The following FGF14 variants were observed in gnomAD, a reference collection of about 807,000 sequenced individuals.
FGF14 encodes the protein fibroblast growth factor 14, also known as fibroblast growth factor homologous factor 4.
In FGF14, 5 loss-of-function variants were observed where a neutral mutation model predicts 25.5. The observed-to-expected ratio is 0.20, with a 90% CI of 0.10 to 0.41. The LOEUF (loss-of-function observed/expected upper bound fraction) is 0.41. Ranked by LOEUF, FGF14 falls within the 10% of genes least tolerant of loss-of-function variation. The pLI, the probability that FGF14 is intolerant of heterozygous loss-of-function variation, is 1.00. For missense variants in FGF14, 222 were observed against 320.1 expected (o/e 0.69, Z 2.34); for synonymous variants, 138 against 118.3 (o/e 1.17, Z -1.08).
At chr13:102,375,359 G>A (rs781036014) in intron 1 of FGF14, among the ~76,000 whole-genome samples, 2 of 152,060 alleles carry the variant, frequency 1.3e-5, no homozygotes, top group Non-Finnish European at 2.9e-5. Context: ...AAGACACAGC[G>A]GTGATCAAAT....
At chr13:101,893,607 TTAAG>T (rs1478518391) in intron 1 of FGF14, among the ~76,000 whole-genome samples, 2 of 152,084 alleles carry the variant, frequency 1.3e-5, no homozygotes, top group African/African-American at 4.8e-5. Context: ...GAGGTGACTA[TTAAG>T]TAATTATCAG....
chr13:101,855,363 T>C (rs917697339), intron 3 of FGF14, among the ~76,000 whole-genome samples: 1 of 152,032 alleles, frequency 6.6e-6, no homozygotes, highest in Non-Finnish European at 1.5e-5. Context: ...TACCAAATGC[T>C]TCTAGGTAAA....
At chr13:102,115,930 G>A (rs2045448896) in intron 1 of FGF14, among the ~76,000 whole-genome samples, 2 of 152,084 alleles carry the variant, frequency 1.3e-5, no homozygotes, top group Admixed American at 1.3e-4. Context: ...GACCAACATG[G>A]AGAAACCCCA....
At chr13:101,882,912 G>A (rs2045789436) in intron 1 of FGF14, among the ~76,000 whole-genome samples, 3 of 152,000 alleles carry the variant, frequency 2.0e-5, no homozygotes, top group Admixed American at 2.0e-4. Context: ...CTTCTGGGAG[G>A]AGATGGGAGT....
intron 1 of FGF14, among the ~76,000 whole-genome samples, chr13:102,358,260 T>C (rs2057471319): frequency 1.3e-5 from 2 of 152,220 alleles, no homozygotes; most frequent in African/African-American, 2.4e-5. Context: ...ATTAATTATA[T>C]GAAACAAGTA....
In FGF14 at chr13:102,162,625, AAC is replaced by A. The variant is rs372559473; in HGVS notation, c.208+238844_208+238845del. ...GCAGACGTCCTGATCTTAAAAATAT[AAC>A]ACAGTTTATGGAATGCTTCAATGTA... On this transcript the variant is annotated intron_variant, in intron 1 of 4. Transcript: ENST00000376131. 3.0e-4 allele frequency among the ~76,000 whole-genome samples: 45 copies of A among 152,336 alleles called. No homozygotes were observed. The East Asian group carries it at 7.7e-3, about 26-fold the overall frequency.
At chr13:101,926,511 C>G (rs1457540810) in intron 1 of FGF14, among the ~76,000 whole-genome samples, 1 of 152,204 alleles carries the variant, frequency 6.6e-6, no homozygotes, top group Non-Finnish European at 1.5e-5. Flanking sequence ...AAAAAACGTA[C>G]AGCAATTCTC....
At chr13:102,132,038 T>G (rs2046220494) in intron 1 of FGF14, among the ~76,000 whole-genome samples, 1 of 152,180 alleles carries the variant, frequency 6.6e-6, no homozygotes, top group South Asian at 2.1e-4. Context: ...GTTTTGGTTT[T>G]TTTTGCCTTA....
chr13:102,072,396 G>T (rs549103050), intron 1 of FGF14, among the ~76,000 whole-genome samples: 4 of 151,976 alleles, frequency 2.6e-5, no homozygotes, highest in African/African-American at 4.8e-5. Flanking sequence ...AGGATGGAGG[G>T]CAAAGTATCA....
chr13:101,749,047 T>A (rs2037088678), intron 3 of FGF14, among the ~76,000 whole-genome samples: 1 of 152,120 alleles, frequency 6.6e-6, no homozygotes, highest in African/African-American at 2.4e-5. Flanking sequence ...CTAAGTCAAA[T>A]ATGTCAGTCA....
intron 3 of FGF14, among the ~76,000 whole-genome samples, chr13:101,814,990 CT>C (rs35517721): frequency 0.3 from 45,624 of 152,078 alleles, 7,423 homozygotes; most frequent in South Asian, 0.44. Context: ...ATTAGTACCC[CT>C]GATGGTCATT....
At chr13:102,113,009 C>G (rs1049605593) in intron 1 of FGF14, among the ~76,000 whole-genome samples, 3 of 152,180 alleles carry the variant, frequency 2.0e-5, no homozygotes, top group Admixed American at 6.5e-5. Context: ...TAGCTATACA[C>G]TTTACTGACA....
chr13:101,968,632 C>CA (rs2037378808), intron 1 of FGF14, among the ~76,000 whole-genome samples: 1 of 137,976 alleles, frequency 7.2e-6, no homozygotes, highest in African/African-American at 2.7e-5. Context: ...GAGATCGTGC[C>CA]ACTGCAATCC....
At chr13:101,777,774 C>T (rs1407374410) in intron 3 of FGF14, among the ~76,000 whole-genome samples, 1 of 152,072 alleles carries the variant, frequency 6.6e-6, no homozygotes, top group Non-Finnish European at 1.5e-5. Flanking sequence ...CCAGCCTGAC[C>T]AACATGGTGA....
intron 1 of FGF14, among the ~76,000 whole-genome samples, chr13:102,150,440 G>A (rs151188638): frequency 1.3e-5 from 2 of 152,174 alleles, no homozygotes; most frequent in Non-Finnish European, 2.9e-5. Context: ...TCTAAGGCAT[G>A]GCCACTTTTG....
chr13:102,190,060 C>T (rs2049061859), intron 1 of FGF14, among the ~76,000 whole-genome samples: 1 of 152,154 alleles, frequency 6.6e-6, no homozygotes, highest in South Asian at 2.1e-4. Flanking sequence ...CAAAACATAT[C>T]ACATGTTATG....
At chr13:102,135,350 A>C (rs2046368822) in intron 1 of FGF14, among the ~76,000 whole-genome samples, 1 of 152,206 alleles carries the variant, frequency 6.6e-6, no homozygotes, top group South Asian at 2.1e-4. Flanking sequence ...TCTGGTATCA[A>C]GTCAATTACG....
chr13:102,247,392 A>G lies in FGF14; in HGVS notation c.208+154079T>C, dbSNP rs1199613269. Among the ~76,000 whole-genome samples the G allele has an allele frequency of 2.6e-5, 4 of 152,066 alleles. No homozygotes were observed. In the East Asian group the frequency reaches 5.8e-4, roughly 22 times the overall value. On this transcript the variant is annotated intron_variant, in intron 1 of 4. Coordinates refer to the FGF14 transcript ENST00000376131. The stretch of plus-strand genomic sequence containing the variant: ...ACTTAAAGAAATTTACAAGAAAAAA[A>G]AATCAAACAACCCCATTAAAAACAA...
intron 1 of FGF14, among the ~76,000 whole-genome samples, chr13:101,942,057 A>AC (rs2139321939): frequency 6.6e-6 from 1 of 152,336 alleles, no homozygotes; most frequent in East Asian, 1.9e-4. Flanking sequence ...TCAATCATTA[A>AC]TTGACTATTG....
Sources: gnomAD v4.1 joint callset for allele counts (sites outside exome capture counted in the v4.1 genomes callset) on GRCh38, gnomAD v4.1.1 for gene constraint, MANE v1.5 for transcripts, NCBI Gene and HGNC (gene_info 2026-07-23, HGNC 2026-07-21) for gene names.